RAP1GDS1: variants seen among roughly 807,000 people sequenced by gnomAD.
RAP1GDS1 encodes RAP1, GTP-GDP dissociation stimulator 1.
In RAP1GDS1, 35 loss-of-function variants were observed where a neutral mutation model predicts 71.1. That is an observed-to-expected ratio of 0.49 (90% CI 0.38 to 0.65). The LOEUF is 0.65. RAP1GDS1 is among the 30% of genes least tolerant of loss of function. The pLI is 0.00. For synonymous variants in RAP1GDS1, 229 were observed against 243.1 expected (o/e 0.94, Z 0.54); for missense variants, 663 against 706.1 (o/e 0.94, Z 0.69).
At chr4:98,326,985 G>T (rs748340253) in intron 2 of RAP1GDS1, among the ~76,000 whole-genome samples, 1 of 152,166 alleles carries the variant, frequency 6.6e-6, no homozygotes, top group Admixed American at 6.6e-5. Flanking sequence ...GGAGATCTCA[G>T]AGAAATGAAG....
chr4:98,282,817 GT>G (rs1725351469), intron 1 of RAP1GDS1, among the ~76,000 whole-genome samples: 1 of 152,084 alleles, frequency 6.6e-6, no homozygotes, highest in Admixed American at 6.6e-5. Context: ...CTGGTGTGTT[GT>G]GTATTTGTTC....
intron 14 of RAP1GDS1, among the ~76,000 whole-genome samples, chr4:98,440,931 G>C (rs187991384): frequency 6.6e-6 from 1 of 152,322 alleles, no homozygotes; most frequent in Non-Finnish European, 1.5e-5. Context: ...GACCTCAGGT[G>C]ATCCACCCAC....
At chr4:98,262,714 G>T (rs1441436414) in intron 1 of RAP1GDS1, among the ~76,000 whole-genome samples, 1 of 152,160 alleles carries the variant, frequency 6.6e-6, no homozygotes, top group Non-Finnish European at 1.5e-5. Context: ...GATGAATGTG[G>T]TCCTTTCATC....
chr4:98,405,148 A>G (rs1280404105), intron 7 of RAP1GDS1, among the ~76,000 whole-genome samples: 3 of 152,222 alleles, frequency 2.0e-5, no homozygotes, highest in Non-Finnish European at 4.4e-5. Context: ...GCAAATCTTC[A>G]GATACTGGAA....
At chr4:98,328,078 T>C (rs945914887) in intron 2 of RAP1GDS1, among the ~76,000 whole-genome samples, 13 of 152,174 alleles carry the variant, frequency 8.5e-5, no homozygotes, top group Non-Finnish European at 7.4e-5. Flanking sequence ...CCAGTGGCCA[T>C]AGAGAATTTG....
chr4:98,278,435 A>G (rs1412985815), intron 1 of RAP1GDS1, among the ~76,000 whole-genome samples: 1 of 152,198 alleles, frequency 6.6e-6, no homozygotes, highest in Non-Finnish European at 1.5e-5. Context: ...ACTTTTTGAA[A>G]ATTAATATTT....
At chr4:98,368,466 G>T (rs1201881268) in intron 4 of RAP1GDS1, among the ~76,000 whole-genome samples, 2 of 151,956 alleles carry the variant, frequency 1.3e-5, no homozygotes, top group Admixed American at 1.3e-4. Flanking sequence ...GTTTTGAGTT[G>T]GTATATATTT....
At chr4:98,375,796 G>C (rs955877697) in intron 4 of RAP1GDS1, among the ~76,000 whole-genome samples, 1 of 152,032 alleles carries the variant, frequency 6.6e-6, no homozygotes, top group African/African-American at 2.4e-5. Flanking sequence ...TATATACTAG[G>C]CATTTGCCAT....
At chr4:98,350,374 A>G (rs1264583556) in intron 3 of RAP1GDS1, among the ~76,000 whole-genome samples, 1 of 152,164 alleles carries the variant, frequency 6.6e-6, no homozygotes, top group African/African-American at 2.4e-5. Context: ...GATAATGAAC[A>G]TCTGTGTTTA....
chr4:98,268,775 C>A (rs1723036868), intron 1 of RAP1GDS1, among the ~76,000 whole-genome samples: 1 of 151,974 alleles, frequency 6.6e-6, no homozygotes, highest in Non-Finnish European at 1.5e-5. Flanking sequence ...GGTGAAAGAT[C>A]TCTATGCTGA....
chr4:98,273,202 G>A (rs1341649688), intron 1 of RAP1GDS1, among the ~76,000 whole-genome samples: 2 of 152,112 alleles, frequency 1.3e-5, no homozygotes, highest in Non-Finnish European at 2.9e-5. Context: ...GTTGCTAGTT[G>A]TCTCCGCTGC....
intron 7 of RAP1GDS1, among the ~76,000 whole-genome samples, chr4:98,414,405 A>G (rs1323787980): frequency 7.6e-6 from 1 of 130,860 alleles, no homozygotes; most frequent in Non-Finnish European, 1.5e-5. Flanking sequence ...AGGTGTAAGG[A>G]AGGGATCCAG....
In RAP1GDS1 at chr4:98,408,530, A is replaced by T. The variant is rs145109034; in HGVS notation, c.763+3928A>T. Among the ~76,000 whole-genome samples the T allele has an allele frequency of 3.5e-4, 54 of 152,276 alleles. 2 individuals carry two copies. Among genetic ancestry groups the T allele is most frequent in the African/African-American group, 1.2e-3 (51 of 41,572 alleles). ...TCCAGAGAATAGGAAAAGGAAATAT[A>T]CTTACCAATTTATTTTAATGAGGCT... On this transcript the variant is annotated intron_variant, in intron 7 of 14. Coordinates refer to ENST00000408927, the MANE Select transcript of RAP1GDS1 (RefSeq NM_001100427.2).
intron 1 of RAP1GDS1, among the ~76,000 whole-genome samples, chr4:98,276,014 A>G (rs935814250): frequency 2.0e-5 from 3 of 152,118 alleles, no homozygotes; most frequent in African/African-American, 7.2e-5. Context: ...ACAGAATACT[A>G]TATATTGGGT....
intron 2 of RAP1GDS1, among the ~76,000 whole-genome samples, chr4:98,327,584 T>G (rs571066835): frequency 7.9e-5 from 12 of 152,322 alleles, no homozygotes; most frequent in South Asian, 6.2e-4. Flanking sequence ...GTTTTTGTTT[T>G]TAACACGAGT....
chr4:98,356,949 T>C (rs1190398241), intron 4 of RAP1GDS1, among the ~76,000 whole-genome samples: 1 of 151,946 alleles, frequency 6.6e-6, no homozygotes, highest in Non-Finnish European at 1.5e-5. Context: ...TATAAAGTCT[T>C]TATTTTTATG....
In RAP1GDS1 at chr4:98,367,176, C is replaced by A. The variant is rs893828190; in HGVS notation, c.362-11841C>A. ...TTAGTACTCTGCCTTCCAGCCACTC[C>A]AGCTATGGTGAGCAGGGGCCAAGGT... On this transcript the variant is annotated intron_variant, in intron 4 of 14. Coordinates refer to ENST00000408927, the MANE Select transcript of RAP1GDS1 (RefSeq NM_001100427.2). 1.1e-4 allele frequency among the ~76,000 whole-genome samples: 16 copies of A among 152,180 alleles called. No individual in the cohort carries two copies. In the South Asian group the frequency reaches 3.3e-3, roughly 31 times the overall value.
chr4:98,263,287 C>G (rs1722284129), intron 1 of RAP1GDS1, among the ~76,000 whole-genome samples: 1 of 152,172 alleles, frequency 6.6e-6, no homozygotes, highest in African/African-American at 2.4e-5. Flanking sequence ...TCCCATGTTT[C>G]CAGGTGAGCC....
chr4:98,269,177 A>G, intron 1 of RAP1GDS1, among the ~76,000 whole-genome samples: 1 of 149,110 alleles, frequency 6.7e-6, no homozygotes, highest in African/African-American at 2.5e-5. Flanking sequence ...GATCTTCAAA[A>G]AAAAAAAAAA....
Sources: gnomAD v4.1 joint callset for allele counts (sites outside exome capture counted in the v4.1 genomes callset) on GRCh38, gnomAD v4.1.1 for gene constraint, MANE v1.5 for transcripts, NCBI Gene and HGNC (gene_info 2026-07-23, HGNC 2026-07-21) for gene names.